SGCZ: variants seen among roughly 807,000 people sequenced by gnomAD.
The protein encoded by SGCZ is sarcoglycan zeta, also known as zeta-sarcoglycan.
SGCZ carries 40 observed loss-of-function variants against 41.3 expected under a neutral mutation model. The observed-to-expected ratio is 0.97, with a 90% confidence interval of 0.75 to 1.26. The LOEUF is 1.26. Among genes scored for constraint, SGCZ ranks in the 50% most tolerant of loss-of-function variants. The probability of loss-of-function intolerance (pLI) is 0.00; values close to 1 mark genes in which losing one functional copy is unlikely to be tolerated. For missense variants in SGCZ, 552 were observed against 369.8 expected (o/e 1.49, Z -4.04); for synonymous variants, 206 against 137.5 (o/e 1.50, Z -3.49).
chr8:14,517,618 A>G (rs527636086), intron 2 of SGCZ, among the ~76,000 whole-genome samples: 68 of 152,194 alleles, frequency 4.5e-4, no homozygotes, highest in Middle Eastern at 3.4e-3. Context: ...AGAAATTATT[A>G]CAAAATATAG....
chr8:14,422,484 C>G (rs1014689717), intron 2 of SGCZ, among the ~76,000 whole-genome samples: 3 of 152,138 alleles, frequency 2.0e-5, no homozygotes, highest in African/African-American at 7.2e-5. Flanking sequence ...TTTCAAACTT[C>G]AGGTTCAAAT....
chr8:14,890,857 A>T (rs1198745609), intron 1 of SGCZ, among the ~76,000 whole-genome samples: 1 of 152,172 alleles, frequency 6.6e-6, no homozygotes, highest in Non-Finnish European at 1.5e-5. Context: ...CTCATTTACC[A>T]TTTCCAAAAT....
At chr8:15,208,297 C>CA (rs900684433) in intron 1 of SGCZ, among the ~76,000 whole-genome samples, 102 of 151,126 alleles carry the variant, frequency 6.7e-4, no homozygotes, top group Non-Finnish European at 1.3e-3. Flanking sequence ...CATATTATAG[C>CA]AAAAAAAAAT....
chr8:14,355,566 A>G (rs1585399986), intron 2 of SGCZ, among the ~76,000 whole-genome samples: 1 of 152,006 alleles, frequency 6.6e-6, no homozygotes, highest in South Asian at 2.1e-4. Flanking sequence ...ATAATAACGT[A>G]TATGCTCATT....
chr8:14,651,016 A>T (rs1300173460), intron 1 of SGCZ, among the ~76,000 whole-genome samples: 1 of 152,036 alleles, frequency 6.6e-6, no homozygotes, highest in Non-Finnish European at 1.5e-5. Context: ...ATAAATGCAG[A>T]CTTATCTAGT....
At chr8:14,242,736 G>A (rs1019437199) in intron 3 of SGCZ, among the ~76,000 whole-genome samples, 4 of 152,012 alleles carry the variant, frequency 2.6e-5, no homozygotes, top group Non-Finnish European at 4.4e-5. Context: ...TCCTTCAAAT[G>A]ACACAGCTAA....
chr8:14,440,186 T>A lies in SGCZ; in HGVS notation c.234+114546A>T, dbSNP rs1015818596. 9.9e-5 allele frequency among the ~76,000 whole-genome samples: 15 copies of A among 152,090 alleles called. No homozygotes were observed. The East Asian group carries it at 1.2e-3, about 12-fold the overall frequency. ...TGTTTTTGTTTGCCCAAGAATTTTTTAAAATTTTTTGCCTATATGTCATAG... is the reference window on the plus strand; with the variant it reads ...TGTTTTTGTTTGCCCAAGAATTTTTAAAAATTTTTTGCCTATATGTCATAG... On this transcript the variant is annotated intron_variant, in intron 2 of 7. Coordinates refer to ENST00000382080, the MANE Select transcript of SGCZ (RefSeq NM_139167.4).
At position 15,157,840 on chromosome 8, in the gene SGCZ, A is replaced by G. The variant is rs550526880; in HGVS notation, c.39+79745T>C. ...TCAATCTATTCCCCTTTCTAAAAAC[A>G]AATGTAAAAATGGAGCAAAATACCC... is the stretch of plus-strand genomic sequence containing the variant. On this transcript the variant is annotated intron_variant, in intron 1 of 7. Transcript: ENST00000382080. 2.6e-5 allele frequency among the ~76,000 whole-genome samples: 4 copies of G among 152,322 alleles called. No individual in the cohort carries two copies. The East Asian group carries it at 7.7e-4, about 29-fold the overall frequency.
intron 1 of SGCZ, among the ~76,000 whole-genome samples, chr8:14,826,268 A>AT (rs1288106304): frequency 6.6e-6 from 1 of 151,928 alleles, no homozygotes; most frequent in Non-Finnish European, 1.5e-5. Flanking sequence ...TGAACTCTTC[A>AT]TTTTTTATGG....
chr8:14,868,228 A>G (rs1056530910), intron 1 of SGCZ, among the ~76,000 whole-genome samples: 1 of 152,162 alleles, frequency 6.6e-6, no homozygotes, highest in Non-Finnish European at 1.5e-5. Context: ...ACACAGCCAC[A>G]GATGTTGCCC....
At chr8:14,549,346 T>G (rs1376557185) in intron 2 of SGCZ, among the ~76,000 whole-genome samples, 1 of 152,000 alleles carries the variant, frequency 6.6e-6, no homozygotes, top group Non-Finnish European at 1.5e-5. Context: ...CCACCCTAGA[T>G]GAAAGATGTG....
intron 1 of SGCZ, among the ~76,000 whole-genome samples, chr8:14,919,295 G>C (rs1282335048): frequency 1.3e-5 from 2 of 152,052 alleles, no homozygotes; most frequent in East Asian, 2.0e-4. Flanking sequence ...AAAGAAATTA[G>C]CTGGGTGTCG....
intron 1 of SGCZ, among the ~76,000 whole-genome samples, chr8:15,192,547 T>A (rs760269115): frequency 6.6e-6 from 1 of 152,162 alleles, no homozygotes; most frequent in Non-Finnish European, 1.5e-5. Context: ...ACTTTGAAAT[T>A]TGGATTTCCA....
At chr8:14,502,453 T>A (rs892639788) in intron 2 of SGCZ, among the ~76,000 whole-genome samples, 1 of 152,172 alleles carries the variant, frequency 6.6e-6, no homozygotes, top group African/African-American at 2.4e-5. Context: ...TGATACAGTT[T>A]ATTTCTCAGA....
chr8:14,845,546 G>A (rs899222944), intron 1 of SGCZ, among the ~76,000 whole-genome samples: 7 of 152,090 alleles, frequency 4.6e-5, no homozygotes, highest in African/African-American at 1.4e-4. Flanking sequence ...CTGACCTAAA[G>A]TTGACAAAGA....
At chr8:14,369,436 G>C (rs1032478518) in intron 2 of SGCZ, among the ~76,000 whole-genome samples, 3 of 151,920 alleles carry the variant, frequency 2.0e-5, no homozygotes, top group Admixed American at 6.6e-5. Flanking sequence ...CAGGAATTCA[G>C]ACTGTGCCCT....
At chr8:14,664,896 G>A (rs1339928737) in intron 1 of SGCZ, among the ~76,000 whole-genome samples, 3 of 152,130 alleles carry the variant, frequency 2.0e-5, no homozygotes, top group Non-Finnish European at 2.9e-5. Flanking sequence ...GTTAGTAGAG[G>A]TGGCTTTGAG....
chr8:14,439,182 T>A (rs1263033774), intron 2 of SGCZ, among the ~76,000 whole-genome samples: 1 of 151,998 alleles, frequency 6.6e-6, no homozygotes, highest in South Asian at 2.1e-4. Context: ...AGTAAGAAAA[T>A]GCATTTAAAA....
intron 2 of SGCZ, among the ~76,000 whole-genome samples, chr8:14,491,663 T>A (rs990053434): frequency 7.9e-5 from 12 of 152,122 alleles, no homozygotes; most frequent in African/African-American, 2.9e-4. Flanking sequence ...TTACTGGGAG[T>A]AAGAAACATC....
Sources: gnomAD v4.1 joint callset for allele counts (sites outside exome capture counted in the v4.1 genomes callset) on GRCh38, gnomAD v4.1.1 for gene constraint, MANE v1.5 for transcripts, NCBI Gene and HGNC (gene_info 2026-07-23, HGNC 2026-07-21) for gene names.